PRTG: variants seen among roughly 807,000 people sequenced by gnomAD.
PRTG encodes protogenin.
Under a neutral mutation model 122.5 loss-of-function variants are expected in PRTG, and 67 were observed. That is an observed-to-expected ratio of 0.55 (90% CI 0.45 to 0.67). The LOEUF (loss-of-function observed/expected upper bound fraction) is 0.67. PRTG is among the 30% of genes least tolerant of loss of function. The pLI is 0.00. For synonymous variants in PRTG, 554 were observed against 501.1 expected (o/e 1.11, Z -1.41); for missense variants, 1,435 against 1,415.4 (o/e 1.01, Z -0.22).
At chr15:55,622,599 G>C (rs1051885791) in intron 18 of PRTG, among the ~76,000 whole-genome samples, 6 of 151,126 alleles carry the variant, frequency 4.0e-5, no homozygotes, top group Non-Finnish European at 8.8e-5. Flanking sequence ...CACCATGTTA[G>C]CTAGGATGGT....
At chr15:55,696,502 T>A (rs1281903834) in intron 2 of PRTG, among the ~76,000 whole-genome samples, 1 of 152,194 alleles carries the variant, frequency 6.6e-6, no homozygotes, top group East Asian at 1.9e-4. Flanking sequence ...AACTGAACAT[T>A]AAGTAAAACT....
At chr15:55,626,388 G>A (rs1200950781) in intron 17 of PRTG, among the ~76,000 whole-genome samples, 3 of 150,118 alleles carry the variant, frequency 2.0e-5, no homozygotes, top group Non-Finnish European at 4.4e-5. Flanking sequence ...CAGCCTGGGC[G>A]ACAGAATGAG....
intron 2 of PRTG, among the ~76,000 whole-genome samples, chr15:55,706,676 G>T (rs1319721000): frequency 6.6e-6 from 1 of 151,884 alleles, no homozygotes; most frequent in African/African-American, 2.4e-5. Context: ...TGAGGTGTAA[G>T]GATGACTTGA....
At chr15:55,629,375 A>ATATGTG (rs1374294067) in intron 15 of PRTG, among the ~76,000 whole-genome samples, 91 of 47,914 alleles carry the variant, frequency 1.9e-3, no homozygotes, top group Admixed American at 3.0e-3. Context: ...ATATATATAT[A>ATATGTG]TGTGTGTGTG....
rs374791424 is a variant in PRTG, at chr15:55,645,433, C to CAAAAAAAAAAAAAAAAAAAAAA, written c.2042-4226_2042-4225insTTTTTTTTTTTTTTTTTTTTTT. On this transcript the variant is annotated intron_variant, in intron 11 of 19. Transcript: ENST00000389286. ...TGGGCGACAGAGCGAAACTCCGTCT[C>CAAAAAAAAAAAAAAAAAAAAAA]AAAAAAAAAAAAAAAAAGAGTGGAA... Among the ~76,000 whole-genome samples the CAAAAAAAAAAAAAAAAAAAAAA allele has an allele frequency of 6.9e-4, 13 of 18,910 alleles. 1 individual carries two copies. Among genetic ancestry groups the CAAAAAAAAAAAAAAAAAAAAAA allele is most frequent in the Non-Finnish European group, 1.3e-3 (9 of 6,918 alleles). 12.4% of individuals were successfully genotyped at this position (18,910 alleles called of 152,430 possible). A position where few individuals can be genotyped will look rare whatever the true frequency, so the allele number is the denominator to read the frequency against.
At chr15:55,649,691 C>G (rs995914358) in intron 11 of PRTG, among the ~76,000 whole-genome samples, 21 of 152,008 alleles carry the variant, frequency 1.4e-4, no homozygotes, top group Non-Finnish European at 1.3e-4. Flanking sequence ...ACTCGGGTGG[C>G]TGAGGCACAA....
At chr15:55,679,996 T>C (rs1452022931) in intron 6 of PRTG, 58 bp downstream of exon 6, 6 of 1,420,704 alleles carry the variant, frequency 4.2e-6, no homozygotes, top group Non-Finnish European at 9.8e-7. Context: ...ATGAATGAGA[T>C]AAAACGGCAA....
At chr15:55,641,946 G>A (rs2059292913) in intron 11 of PRTG, among the ~76,000 whole-genome samples, 1 of 151,508 alleles carries the variant, frequency 6.6e-6, no homozygotes, top group Non-Finnish European at 1.5e-5. Flanking sequence ...AGGCCGAGGC[G>A]GGTGGATCAT....
At chr15:55,712,405 G>A (rs1264132292) in intron 2 of PRTG, among the ~76,000 whole-genome samples, 9 of 152,028 alleles carry the variant, frequency 5.9e-5, no homozygotes, top group South Asian at 2.1e-4. Flanking sequence ...AAGCTGTTTC[G>A]CCTATGTGTT....
chr15:55,621,416 G>C (rs1261805717), intron 18 of PRTG, among the ~76,000 whole-genome samples: 2 of 151,858 alleles, frequency 1.3e-5, no homozygotes, highest in Non-Finnish European at 2.9e-5. Context: ...CCAGTACTTT[G>C]AGAGGCTGAG....
chr15:55,632,413 CAATCT>C (rs1373669351), intron 15 of PRTG, among the ~76,000 whole-genome samples: 10 of 152,232 alleles, frequency 6.6e-5, no homozygotes, highest in African/African-American at 2.4e-4. Context: ...TACCTCCTTA[CAATCT>C]ACTTCTCAGG....
chr15:55,725,145 G>A (rs2030978266), intron 2 of PRTG, among the ~76,000 whole-genome samples: 1 of 152,148 alleles, frequency 6.6e-6, no homozygotes, highest in South Asian at 2.1e-4. Flanking sequence ...AAGATGTAAT[G>A]TGTGACAATA....
intron 2 of PRTG, among the ~76,000 whole-genome samples, chr15:55,690,350 A>G (rs1437098819): frequency 6.6e-6 from 1 of 152,226 alleles, no homozygotes; most frequent in African/African-American, 2.4e-5. Flanking sequence ...AATGAGGAAC[A>G]AAACTAACAG....
At position 55,637,193 on chromosome 15, in the gene PRTG, T is replaced by TC; in HGVS notation, c.2599dup (p.Glu867GlyfsTer8). The TC allele has an allele frequency of 6.2e-7, 1 of 1,601,232 alleles. No homozygotes were observed. Among genetic ancestry groups the TC allele is most frequent in the South Asian group, 1.1e-5 (1 of 88,504 alleles). On this transcript the variant is annotated frameshift_variant, in exon 15 of 20. Coordinates refer to ENST00000389286, the MANE Select transcript of PRTG (RefSeq NM_173814.6). LOFTEE classifies it high-confidence loss of function. ...ACCTTCACGGTGTAAGACCTGCCAC[T>TC]CTCCTGCAATCCAGGCCTTCCTAGA...
intron 12 of PRTG, 86 bp from the exon 13 acceptor site, chr15:55,639,914 C>T: frequency 1.3e-6 from 2 of 1,522,620 alleles, no homozygotes; most frequent in Admixed American, 2.1e-5. Flanking sequence ...TAATATCCCA[C>T]CCTATAAGTT....
At chr15:55,738,599 T>A in intron 2 of PRTG, 1 of 687,218 alleles carries the variant, frequency 1.5e-6, no homozygotes, top group Non-Finnish European at 2.6e-6. Context: ...CAAGTTTACA[T>A]TGGACAAAAA....
intron 11 of PRTG, among the ~76,000 whole-genome samples, chr15:55,652,653 A>T (rs2059359180): frequency 6.6e-6 from 1 of 152,174 alleles, no homozygotes; most frequent in Non-Finnish European, 1.5e-5. Flanking sequence ...GCAGCAGAGG[A>T]GCAGGAAAAA....
At chr15:55,684,413 A>G (rs1252913411) in intron 2 of PRTG, among the ~76,000 whole-genome samples, 7 of 152,208 alleles carry the variant, frequency 4.6e-5, no homozygotes, top group Admixed American at 2.0e-4. Flanking sequence ...TCAAGTGAAA[A>G]GAATAACATG....
In PRTG at chr15:55,616,497, G is replaced by A. The variant is rs1308962222; in HGVS notation, c.*3515C>T. ...ATAAAAGCTTGCTGATATTTCTGTT[G>A]ACATTTCACACTCAAGGTGCTTTGG... is the stretch of plus-strand genomic sequence containing the variant. On this transcript the variant is annotated 3_prime_UTR_variant, in exon 20 of 20. Transcript: ENST00000389286. The A allele has an allele frequency of 7.2e-5, 11 of 152,102 alleles. No individual in the cohort carries two copies. The highest frequency in any genetic ancestry group is 1.5e-4 in the Non-Finnish European group (10 of 67,970). The allele number at this position is 152,102 out of a possible 1,614,324, so 9.4% of individuals were successfully genotyped here.
Sources: allele counts gnomAD v4.1 joint callset (sites outside exome capture counted in the v4.1 genomes callset), GRCh38; gene constraint gnomAD v4.1.1; transcripts MANE v1.5; gene names NCBI Gene and HGNC (gene_info 2026-07-23, HGNC 2026-07-21).